Variants in CWF19L1 observed in about 807,000 individuals in gnomAD.
CWF19L1 encodes the protein CWF19 like cell cycle control factor 1.
Under a neutral mutation model 69.7 loss-of-function variants are expected in CWF19L1, and 60 were observed. That is an observed-to-expected ratio of 0.86 (90% CI 0.70 to 1.07). CWF19L1 has a LOEUF of 1.07. CWF19L1 is among the 50% of genes least tolerant of loss of function. CWF19L1 has a pLI of 0.00. For synonymous variants in CWF19L1, 209 were observed against 222.2 expected (o/e 0.94, Z 0.53); for missense variants, 591 against 638.9 (o/e 0.92, Z 0.81).
intron 5 of CWF19L1, among the ~76,000 whole-genome samples, chr10:100,255,368 G>A (rs770747914): frequency 6.6e-6 from 1 of 151,434 alleles, no homozygotes. Flanking sequence ...AATTAGGCTG[G>A]GCACGGTGGC....
At chr10:100,267,173 C>A (rs954923189) in intron 1 of CWF19L1, among the ~76,000 whole-genome samples, 25 of 143,076 alleles carry the variant, frequency 1.7e-4, no homozygotes, top group African/African-American at 6.7e-4. Flanking sequence ...AAAAAAATGC[C>A]CCAGGGAAGG....
At chr10:100,258,995 G>T (rs1479335670) in intron 4 of CWF19L1, among the ~76,000 whole-genome samples, 1 of 151,588 alleles carries the variant, frequency 6.6e-6, no homozygotes, top group Non-Finnish European at 1.5e-5. Context: ...CAGGTCAGGA[G>T]ATCGAGACCA....
At chr10:100,262,228 C>G in intron 1 of CWF19L1, 165 bp from the exon 2 acceptor site, 3 of 985,434 alleles carry the variant, frequency 3.0e-6, no homozygotes, top group Non-Finnish European at 3.6e-6. Context: ...CACTGAGGGT[C>G]TCACCAACAC....
In CWF19L1 at chr10:100,236,702, G is replaced by A. The variant is rs547350574; in HGVS notation, c.1374+148C>T. On this transcript the variant is annotated intron_variant, in intron 12 of 13. Coordinates refer to ENST00000354105, the MANE Select transcript of CWF19L1 (RefSeq NM_018294.6). ...GGAGAATCACTTGAACCCGGAAGGC[G>A]GAGGTTGCAGTGAGCCAAGATCATG... The A allele has an allele frequency of 6.5e-5, 54 of 836,064 alleles. 1 individual carries two copies. The highest frequency in any genetic ancestry group is 1.5e-4 in the East Asian group (5 of 33,322). 51.8% of individuals were successfully genotyped at this position (836,064 alleles called of 1,614,324 possible).
intron 1 of CWF19L1, among the ~76,000 whole-genome samples, chr10:100,264,324 T>C (rs562787304): frequency 7.9e-4 from 120 of 152,232 alleles, no homozygotes; most frequent in African/African-American, 2.8e-3. Flanking sequence ...GGCGAGCGGA[T>C]CACAAGGTCA....
chr10:100,243,378 AG>A (rs1187065953), intron 10 of CWF19L1, among the ~76,000 whole-genome samples: 2 of 152,248 alleles, frequency 1.3e-5, no homozygotes, highest in African/African-American at 4.8e-5. Flanking sequence ...TAGACACAAA[AG>A]ACCACATGTT....
In CWF19L1 at chr10:100,260,526, T is replaced by A. The variant is rs1199137608; in HGVS notation, c.188-207A>T. ...TGTAGCTTGGCTATTTTATTTATTT[T>A]ATTTTTTTTTTTTTGAGACAGAGCC... On this transcript the variant is annotated intron_variant, in intron 3 of 13. Transcript: ENST00000354105. Among the ~76,000 whole-genome samples, 36 of 151,920 alleles carry A rather than the reference T, an allele frequency of 2.4e-4. No individual in the cohort carries two copies. The South Asian group carries it at 2.5e-3, about 10-fold the overall frequency.
At chr10:100,253,876 G>GTT in intron 5 of CWF19L1, 3 of 182,618 alleles carry the variant, frequency 1.6e-5, no homozygotes, top group African/African-American at 2.6e-5. Flanking sequence ...TCTAGTTTTG[G>GTT]TTTGTTTTTT....
At chr10:100,262,422 T>C (rs1209781791) in intron 1 of CWF19L1, 38 of 983,368 alleles carry the variant, frequency 3.9e-5, no homozygotes, top group Non-Finnish European at 4.2e-5. Flanking sequence ...ACATTCATTC[T>C]ATCCTTCTTA....
intron 12 of CWF19L1, among the ~76,000 whole-genome samples, chr10:100,235,995 C>A (rs1324624616): frequency 2.6e-5 from 4 of 152,026 alleles, no homozygotes; most frequent in African/African-American, 7.2e-5. Context: ...TTAGGAAATT[C>A]TAATTTCTTG....
At position 100,243,770 on chromosome 10, in the gene CWF19L1, A is replaced by G; in HGVS notation, c.972T>C (p.Pro324=). ...CAAGGCAAAACCAGCAGGGTCCTGG[A>G]GGCTGAGCTTCATGTAAAAGAAAGC... ...HPKQPRKPPQ[P]PGPCWFCLAS... is the part of the protein sequence containing the mutation. The change falls in exon 10 of 14, where the codon CCT becomes CCC. Residue 324 remains proline, a synonymous_variant. Transcript: ENST00000354105. The G allele has an allele frequency of 6.2e-7, 1 of 1,614,096 alleles. No homozygotes were observed.
chr10:100,255,746 C>A (rs1190668795), intron 5 of CWF19L1, among the ~76,000 whole-genome samples: 1 of 135,930 alleles, frequency 7.4e-6, no homozygotes, highest in Non-Finnish European at 1.5e-5. Flanking sequence ...CTGGGTGACA[C>A]AGCAAAACTC....
At position 100,260,960 on chromosome 10, in the gene CWF19L1, C is replaced by A. The variant is rs752347744; in HGVS notation, c.187+6G>T. On this transcript the variant is annotated splice_donor_region_variant and intron_variant, in intron 3 of 13. Transcript: ENST00000354105. ...ATCATATGTTAAATAAAAATAATTT[C>A]TATACCTTTCTTGATGCCAGTCTTA... 6.3e-7 allele frequency: 1 copy of A among 1,575,324 alleles called. No homozygotes were observed. Among genetic ancestry groups the A allele is most frequent in the Admixed American group, 1.7e-5 (1 of 57,302 alleles).
chr10:100,243,672 C>CTATAA, intron 10 of CWF19L1, 26 bp downstream of exon 10: 1 of 1,589,268 alleles, frequency 6.3e-7, no homozygotes, highest in Non-Finnish European at 8.6e-7. Context: ...ATCTCCTTCT[C>CTATAA]TATAAAGTCC....
rs1360463123 is a variant in CWF19L1 at position 100,250,317 on chromosome 10, T to C, written c.639A>G (p.Leu213=). 1.9e-6 allele frequency: 3 copies of C among 1,609,166 alleles called. No homozygotes were observed. Among genetic ancestry groups the C allele is most frequent in the East Asian group, 4.5e-5 (2 of 44,858 alleles). ...ERLPYRNHII[L]QENAQHATRF... ...GGGTGGCATGCTGTGCATTTTCCTG[T>C]AGAATGATATGGTTTCTACAACATA... is the stretch of plus-strand genomic sequence containing the variant. The change falls in exon 7 of 14, where the codon CTA becomes CTG. Residue 213 remains leucine, a synonymous_variant. Coordinates refer to ENST00000354105, the MANE Select transcript of CWF19L1 (RefSeq NM_018294.6).
chr10:100,242,293 C>T (rs1004049297), intron 10 of CWF19L1, among the ~76,000 whole-genome samples: 1 of 152,210 alleles, frequency 6.6e-6, no homozygotes, highest in Non-Finnish European at 1.5e-5. Flanking sequence ...TAGTAAGCTA[C>T]ACCCTCCACT....
At chr10:100,266,845 TTTG>T in intron 1 of CWF19L1, among the ~76,000 whole-genome samples, 1 of 99,004 alleles carries the variant, frequency 1.0e-5, no homozygotes, top group South Asian at 2.9e-4. Flanking sequence ...TTTTGTTTGT[TTTG>T]TTTTGTTTTG....
chr10:100,255,791 G>A (rs796968454), intron 5 of CWF19L1, among the ~76,000 whole-genome samples: 65 of 150,790 alleles, frequency 4.3e-4, no homozygotes, highest in African/African-American at 1.5e-3. Context: ...TTAGCCAGGC[G>A]TGGTGGCGCA....
At chr10:100,236,781 C>T in intron 12 of CWF19L1, 69 bp downstream of exon 12, 1 of 1,517,764 alleles carries the variant, frequency 6.6e-7, no homozygotes, top group Non-Finnish European at 8.8e-7. Flanking sequence ...AACAAACAAA[C>T]AAACAACAAA....
Sources: allele counts gnomAD v4.1 joint callset (sites outside exome capture counted in the v4.1 genomes callset), GRCh38; gene constraint gnomAD v4.1.1; transcripts MANE v1.5; gene names NCBI Gene and HGNC (gene_info 2026-07-23, HGNC 2026-07-21).